Variants in CCDC141 observed in about 807,000 individuals in gnomAD.
The protein encoded by CCDC141 is coiled-coil domain-containing protein 141.
A neutral mutation model predicts 181.0 loss-of-function variants in CCDC141; 168 were observed. The observed-to-expected ratio is 0.93, with a 90% CI of 0.82 to 1.05. The LOEUF (loss-of-function observed/expected upper bound fraction) is 1.05, where lower values mean the gene tolerates loss of function less well. CCDC141 is among the 50% of genes least tolerant of loss of function. The pLI is 0.00. For missense variants in CCDC141, 1,902 were observed against 1,788.5 expected, an observed-to-expected ratio of 1.06 and a Z score of -1.14; for synonymous variants, 666 against 642.3, an observed-to-expected ratio of 1.04 and a Z score of -0.56.
At chr2:178,975,220 C>A in intron 3 of CCDC141, 55 bp from the exon 4 acceptor site, 1 of 921,392 alleles carries the variant, frequency 1.1e-6, no homozygotes, top group Non-Finnish European at 1.6e-6. Flanking sequence ...AATTAACGTG[C>A]CATTGTTAGT....
intron 21 of CCDC141, among the ~76,000 whole-genome samples, chr2:178,846,892 A>G (rs927081893): frequency 2.0e-5 from 3 of 152,222 alleles, no homozygotes; most frequent in African/African-American, 7.2e-5. Context: ...AAGGATTTCT[A>G]TCACTATTTA....
chr2:178,891,773 A>ATCTCTC (rs34185031), intron 8 of CCDC141, among the ~76,000 whole-genome samples: 11 of 149,394 alleles, frequency 7.4e-5, no homozygotes, highest in South Asian at 2.1e-4. Context: ...ATCATATAGG[A>ATCTCTC]TCTCTCTCTC....
At chr2:179,017,032 A>C (rs1335472504) in intron 2 of CCDC141, among the ~76,000 whole-genome samples, 1 of 152,046 alleles carries the variant, frequency 6.6e-6, no homozygotes, top group African/African-American at 2.4e-5. Flanking sequence ...CCCACACACA[A>C]AAATGTATTA....
intron 5 of CCDC141, among the ~76,000 whole-genome samples, chr2:178,957,840 C>T (rs1325202197): frequency 1.3e-5 from 2 of 152,162 alleles, no homozygotes; most frequent in Non-Finnish European, 2.9e-5. Context: ...GATCCTCTGA[C>T]CTCAGCCTCC....
intron 5 of CCDC141, among the ~76,000 whole-genome samples, chr2:178,946,340 A>AT (rs1416261592): frequency 6.6e-6 from 1 of 152,188 alleles, no homozygotes; most frequent in African/African-American, 2.4e-5. Context: ...TTATTATTTT[A>AT]TTTTGTAAAA....
At chr2:178,985,997 G>A (rs918834333) in intron 2 of CCDC141, among the ~76,000 whole-genome samples, 20 of 152,172 alleles carry the variant, frequency 1.3e-4, no homozygotes, top group East Asian at 5.8e-4. Context: ...TACCAAAGCC[G>A]GGCAGAGACA....
chr2:178,829,094 A>T (rs548632361), downstream of CCDC141, among the ~76,000 whole-genome samples: 12 of 152,312 alleles, frequency 7.9e-5, no homozygotes, highest in Admixed American at 2.6e-4. Context: ...ATGTTATGTA[A>T]CTATTATTGT....
the CCDC141 span, among the ~76,000 whole-genome samples, chr2:178,823,779 A>G: frequency 5.9e-5 from 9 of 152,168 alleles, no homozygotes; most frequent in Non-Finnish European, 1.0e-4. Context: ...CCCCCCTTCC[A>G]ACAGCTATCT....
intron 5 of CCDC141, among the ~76,000 whole-genome samples, chr2:178,960,518 T>G (rs1690349527): frequency 6.6e-6 from 1 of 152,216 alleles, no homozygotes; most frequent in Admixed American, 6.5e-5. Flanking sequence ...TGTACAGATT[T>G]AAACATGGAA....
the CCDC141 span, among the ~76,000 whole-genome samples, chr2:178,824,509 C>G: frequency 6.7e-6 from 1 of 150,254 alleles, no homozygotes; most frequent in Admixed American, 6.7e-5. Context: ...GTGCCAGCTA[C>G]TCAGGAGGCT....
Position 179,033,792 on chromosome 2 carries a change from C to T in CCDC141, c.225+13492G>A, listed in dbSNP as rs146541585. ...ATAGAAAATTAATAGCTGGAGACTA[C>T]AGGCCTATGATTTCAAAAATGCTAG... is the stretch of plus-strand genomic sequence containing the variant. On this transcript the variant is annotated intron_variant, in intron 2 of 23. Transcript: ENST00000443758. 2.0e-4 allele frequency among the ~76,000 whole-genome samples: 31 copies of T among 152,252 alleles called. No individual in the cohort carries two copies. In the East Asian group the frequency reaches 5.2e-3, roughly 26 times the overall value.
chr2:178,854,257 G>A (rs547738499), intron 19 of CCDC141, among the ~76,000 whole-genome samples: 1 of 152,314 alleles, frequency 6.6e-6, no homozygotes, highest in South Asian at 2.1e-4. Flanking sequence ...GGGCGTGGTG[G>A]CTCACGCCTG....
intron 2 of CCDC141, among the ~76,000 whole-genome samples, chr2:179,029,507 T>C (rs2042946771): frequency 6.6e-6 from 1 of 152,212 alleles, no homozygotes; most frequent in Non-Finnish European, 1.5e-5. Flanking sequence ...CATTATTGCT[T>C]CTATAAGTTT....
chr2:178,844,132 A>G (rs1262301970), intron 22 of CCDC141, among the ~76,000 whole-genome samples: 2 of 152,206 alleles, frequency 1.3e-5, no homozygotes, highest in Non-Finnish European at 2.9e-5. Context: ...TTGCTTTGGT[A>G]GCAATAACTT....
At chr2:178,878,432 T>C (rs1468715192) in intron 11 of CCDC141, among the ~76,000 whole-genome samples, 1 of 150,492 alleles carries the variant, frequency 6.6e-6, no homozygotes, top group Non-Finnish European at 1.5e-5. Flanking sequence ...CAAGTATTAA[T>C]GGCTAAAAAC....
chr2:178,877,945 C>G lies in CCDC141; in HGVS notation c.1899+19G>C. 1 of 1,596,144 alleles carries G rather than the reference C, an allele frequency of 6.3e-7. No homozygotes were observed. The highest frequency in any genetic ancestry group is 8.6e-7 in the Non-Finnish European group (1 of 1,163,958). ...GAGTATCCCTGCAGAAGGTGTGATCCATTTAATGCCATTCTTACCATATTT... is the reference window on the plus strand; with the variant it reads ...GAGTATCCCTGCAGAAGGTGTGATCGATTTAATGCCATTCTTACCATATTT... On this transcript the variant is annotated intron_variant, in intron 12 of 23. Transcript: ENST00000443758.
chr2:178,897,775 G>A (rs1687482920), intron 8 of CCDC141, among the ~76,000 whole-genome samples: 1 of 152,142 alleles, frequency 6.6e-6, no homozygotes, highest in Non-Finnish European at 1.5e-5. Context: ...TTTGAGCTCT[G>A]AATTGGTAAC....
intron 2 of CCDC141, among the ~76,000 whole-genome samples, chr2:178,981,636 G>GTATATATATGTATATATATATATATATA (rs1691400296): frequency 1.6e-5 from 1 of 62,404 alleles, no homozygotes; most frequent in South Asian, 6.0e-4. Context: ...GTGTGTGTGT[G>GTATATATATGTATATATATATATATATA]TATATATATA....
the CCDC141 span, among the ~76,000 whole-genome samples, chr2:178,822,456 A>G: frequency 6.6e-6 from 1 of 151,250 alleles, no homozygotes; most frequent in East Asian, 1.9e-4. Flanking sequence ...TTTGGTCTTT[A>G]GCTCCTCCAA....
Sources: allele counts gnomAD v4.1 joint callset (sites outside exome capture counted in the v4.1 genomes callset), GRCh38; gene constraint gnomAD v4.1.1; transcripts MANE v1.5; gene names NCBI Gene and HGNC (gene_info 2026-07-23, HGNC 2026-07-21).